The following NUAK1 variants were observed in gnomAD, a reference collection of about 807,000 sequenced individuals.
NUAK1 encodes the protein NUAK family SNF1-like kinase 1.
Under a neutral mutation model 56.9 loss-of-function variants are expected in NUAK1, and 26 were observed. That is an observed-to-expected ratio of 0.46 (90% CI 0.33 to 0.63). NUAK1 has a LOEUF of 0.63. Ranked by LOEUF, NUAK1 falls within the 30% of genes least tolerant of loss-of-function variation. The pLI, the probability that NUAK1 is intolerant of heterozygous loss-of-function variation, is 0.02. For synonymous variants in NUAK1, 337 were observed against 336.0 expected (o/e 1.00, Z -0.03); for missense variants, 727 against 876.1 (o/e 0.83, Z 2.15).
intron 2 of NUAK1, among the ~76,000 whole-genome samples, chr12:106,092,242 G>T (rs2032643068): frequency 6.6e-6 from 1 of 152,152 alleles, no homozygotes; most frequent in African/African-American, 2.4e-5. Context: ...GTCATAGCCG[G>T]GCGTGGTGGC....
At chr12:106,068,072 G>C in intron 6 of NUAK1, 117 bp from the exon 7 acceptor site, 1 of 977,412 alleles carries the variant, frequency 1.0e-6, no homozygotes, top group East Asian at 2.6e-5. Flanking sequence ...AATCCATCTG[G>C]AGACCTGGTC....
chr12:106,099,369 C>G (rs1560000), intron 2 of NUAK1, among the ~76,000 whole-genome samples: 56,151 of 152,044 alleles, frequency 0.37, 11,304 homozygotes, highest in Non-Finnish European at 0.45. Context: ...GATTTGAACC[C>G]CAACCTTCTT....
Position 106,067,797 on chromosome 12 carries a change from T to A in NUAK1, c.991A>T (p.Ile331Phe). 1 of 1,614,154 alleles carries A rather than the reference T, an allele frequency of 6.2e-7. No homozygotes were observed. The highest frequency in any genetic ancestry group is 8.5e-7 in the Non-Finnish European group (1 of 1,180,024). Residue 331 changes from isoleucine to phenylalanine, a missense_variant, in exon 7 of 7, where the codon ATC becomes TTC. Ile to Phe is a conservative substitution (Grantham distance 21, BLOSUM62 0). Coordinates refer to ENST00000261402, the MANE Select transcript of NUAK1 (RefSeq NM_014840.3). The surrounding 1 kb of genome is among the most constrained non-coding windows in gnomAD (Gnocchi z 6.0). ...GTGGAACGGTGGTGCCAGTCAATGATCCGAGCCAGGAGTGGGGACTCAGAG... is the reference window on the plus strand; with the variant it reads ...GTGGAACGGTGGTGCCAGTCAATGAACCGAGCCAGGAGTGGGGACTCAGAG... The part of the protein sequence containing the change: ...HDSESPLLAR[I>F]IDWHHRSTGL...
chr12:106,075,556 C>T lies in NUAK1; in HGVS notation c.580-2713G>A, dbSNP rs1294815611. 2.6e-5 allele frequency among the ~76,000 whole-genome samples: 4 copies of T among 152,238 alleles called. No homozygotes were observed. The East Asian group carries it at 5.8e-4, about 22-fold the overall frequency. The stretch of plus-strand genomic sequence containing the variant: ...CATAAAGTATGTAAAGTCCTTACAA[C>T]AGTAATTGGCCCAGAGTTGGAGCTC... On this transcript the variant is annotated intron_variant, in intron 4 of 6. Transcript: ENST00000261402.
At position 106,066,989 on chromosome 12, in the gene NUAK1, C is replaced by T. The variant is rs1199831417; in HGVS notation, c.1799G>A (p.Ser600Asn). ...ENRPARQRIR[S>N]CVSAENFLQI... ...GAGGAAGTTTTCTGCAGAGACGCAG[C>T]TGCGGATGCGCTGGCGGGCAGGGCG... is the stretch of plus-strand genomic sequence containing the variant. The change falls in exon 7 of 7, where the codon AGC becomes AAC. Residue 600 changes from serine to asparagine, a missense_variant. Transcript: ENST00000261402. The T allele has an allele frequency of 1.2e-6, 2 of 1,614,146 alleles. No individual in the cohort carries two copies. Among genetic ancestry groups the T allele is most frequent in the Admixed American group, 1.7e-5 (1 of 60,012 alleles).
rs2136452689 is a variant in NUAK1 at position 106,063,736 on chromosome 12, A to G, written c.*3066T>C. 1 of 151,482 alleles carries G rather than the reference A, an allele frequency of 6.6e-6. No homozygotes were observed. Among genetic ancestry groups the G allele is most frequent in the East Asian group, 1.9e-4 (1 of 5,150 alleles). The allele number at this position is 151,482 out of a possible 1,614,324, so 9.4% of individuals were successfully genotyped here. A position where few individuals can be genotyped will look rare whatever the true frequency, so the allele number is the denominator to read the frequency against. ...GTTTCTCTCTTTTTTTCTTCTAGGAATGATACCATGCCAGTAAATCCCTAC... is the reference window on the plus strand; with the variant it reads ...GTTTCTCTCTTTTTTTCTTCTAGGAGTGATACCATGCCAGTAAATCCCTAC... On this transcript the variant is annotated 3_prime_UTR_variant, in exon 7 of 7. Transcript: ENST00000261402.
At chr12:106,074,218 C>T (rs1356160325) in intron 4 of NUAK1, among the ~76,000 whole-genome samples, 1 of 151,974 alleles carries the variant, frequency 6.6e-6, no homozygotes, top group African/African-American at 2.4e-5. Context: ...TTGAAAAGCA[C>T]AAGATAATTA....
chr12:106,108,023 G>A (rs1490624031), intron 1 of NUAK1, among the ~76,000 whole-genome samples: 8 of 151,992 alleles, frequency 5.3e-5, no homozygotes, highest in South Asian at 4.2e-4. Context: ...CGGTAGACCC[G>A]GGAAAACATT....
chr12:106,136,231 C>T (rs1055887469), intron 1 of NUAK1, among the ~76,000 whole-genome samples: 8 of 152,146 alleles, frequency 5.3e-5, no homozygotes. Context: ...AAAATCTTTA[C>T]ATAATTTTGG....
chr12:106,095,396 A>G (rs1188564034), intron 2 of NUAK1, among the ~76,000 whole-genome samples: 1 of 152,212 alleles, frequency 6.6e-6, no homozygotes, highest in African/African-American at 2.4e-5. Context: ...GCTTTGGCAC[A>G]GGGATTCATC....
At chr12:106,097,726 T>C (rs934741384) in intron 2 of NUAK1, among the ~76,000 whole-genome samples, 55 of 152,324 alleles carry the variant, frequency 3.6e-4, no homozygotes, top group African/African-American at 1.3e-3. Flanking sequence ...GCAGGGGTTT[T>C]TCTAGTACAG....
intron 1 of NUAK1, among the ~76,000 whole-genome samples, chr12:106,108,410 C>T (rs928320288): frequency 2.6e-5 from 4 of 152,180 alleles, no homozygotes; most frequent in Non-Finnish European, 5.9e-5. Context: ...AGCCTTCCAG[C>T]TTAAAGGCCC....
At chr12:106,092,415 G>C (rs2032644840) in intron 2 of NUAK1, among the ~76,000 whole-genome samples, 1 of 152,014 alleles carries the variant, frequency 6.6e-6, no homozygotes, top group African/African-American at 2.4e-5. Flanking sequence ...CTACTCAGGA[G>C]GTTGAGGGAC....
At position 106,126,449 on chromosome 12, in the gene NUAK1, T is replaced by C. The variant is rs2033025197; in HGVS notation, c.240+11965A>G. Among the ~76,000 whole-genome samples, 5 of 152,320 alleles carry C rather than the reference T, an allele frequency of 3.3e-5. No homozygotes were observed. In the South Asian group the frequency reaches 1.0e-3, roughly 32 times the overall value. ...CTCAGACAGACATGGGTTGTATTCC[T>C]GCCATCATCCCCAAGTTACAAACAG... On this transcript the variant is annotated intron_variant, in intron 1 of 6. Coordinates refer to ENST00000261402, the MANE Select transcript of NUAK1 (RefSeq NM_014840.3).
rs1020537768 is a variant in NUAK1 at position 106,138,784 on chromosome 12, C to T, written c.-131G>A. 1 of 1,245,202 alleles carries T rather than the reference C, an allele frequency of 8.0e-7. No individual in the cohort carries two copies. The highest frequency in any genetic ancestry group is 3.0e-5 in the East Asian group (1 of 33,172). 77.1% of individuals were successfully genotyped at this position (1,245,202 alleles called of 1,614,324 possible). A position where few individuals can be genotyped will look rare whatever the true frequency, so the allele number is the denominator to read the frequency against. On this transcript the variant is annotated 5_prime_UTR_variant, in exon 1 of 7. Transcript: ENST00000261402. The surrounding 1 kb of genome is among the most constrained non-coding windows in gnomAD (Gnocchi z 5.0). The stretch of plus-strand genomic sequence containing the variant: ...GCAGCATCAGGGAGGCGGCCCGATA[C>T]CGCTCGGACTGCGGCTCGGTCACTG...
intron 4 of NUAK1, among the ~76,000 whole-genome samples, chr12:106,082,243 T>C (rs2032525378): frequency 1.3e-5 from 2 of 152,220 alleles, no homozygotes; most frequent in Non-Finnish European, 1.5e-5. Context: ...CTGGCAACTC[T>C]TGACAGATGA....
intron 2 of NUAK1, among the ~76,000 whole-genome samples, chr12:106,093,463 T>A (rs528704826): frequency 6.6e-6 from 1 of 152,360 alleles, no homozygotes; most frequent in Admixed American, 6.5e-5. Context: ...CCTCTGATCA[T>A]CTGGTTTTCA....
intron 1 of NUAK1, among the ~76,000 whole-genome samples, chr12:106,127,399 C>T: frequency 6.6e-6 from 1 of 152,106 alleles, no homozygotes; most frequent in Non-Finnish European, 1.5e-5. Context: ...GAGCTCCTGG[C>T]CTCAAGTGAT....
chr12:106,132,948 C>A (rs2033093625), intron 1 of NUAK1, among the ~76,000 whole-genome samples: 1 of 152,152 alleles, frequency 6.6e-6, no homozygotes, highest in South Asian at 2.1e-4. Flanking sequence ...TGCCTGTGAC[C>A]TTGAGCAAGC....
Sources: gnomAD v4.1 joint callset for allele counts (sites outside exome capture counted in the v4.1 genomes callset) on GRCh38, gnomAD v4.1.1 for gene constraint, Gnocchi (gnomAD v3.1) non-coding constraint, MANE v1.5 for transcripts, NCBI Gene and HGNC (gene_info 2026-07-23, HGNC 2026-07-21) for gene names.